The following KDM5A variants were observed in gnomAD, a reference collection of about 807,000 sequenced individuals.
The protein encoded by KDM5A is lysine demethylase 5A, also known as lysine-specific demethylase 5A.
In KDM5A, 42 loss-of-function variants were observed where a neutral mutation model predicts 193.5. The ratio of observed to expected loss-of-function variants is 0.22; its 90% CI spans 0.17 to 0.28. KDM5A has a LOEUF of 0.28. KDM5A is among the 10% of genes least tolerant of loss of function. The pLI, the probability that KDM5A is intolerant of heterozygous loss-of-function variation, is 1.00. For synonymous variants in KDM5A, 796 were observed against 718.1 expected, an observed-to-expected ratio of 1.11 and a Z score of -1.73; for missense variants, 1,692 against 2,055.1, an observed-to-expected ratio of 0.82 and a Z score of 3.42.
intron 3 of KDM5A, among the ~76,000 whole-genome samples, chr12:374,201 A>T (rs1183845424): frequency 6.6e-6 from 1 of 152,084 alleles, no homozygotes; most frequent in African/African-American, 2.4e-5. Context: ...TCCCATTATC[A>T]TTGTGTGGGA....
At position 313,160 on chromosome 12, in the gene KDM5A, C is replaced by T. The variant is rs1228258417; in HGVS notation, c.2932G>A (p.Val978Met). The change falls in exon 20 of 28, where the codon GTG becomes ATG. Residue 978 changes from valine to methionine, a missense_variant. Transcript: ENST00000399788. The part of the protein sequence containing the change: ...RHSVASLESI[V>M]NEAKNIPAFL... Reference sequence around the variant, plus strand: ...GCTGGAATGTTCTTGGCTTCATTCACAATGCTTTCTAAACTTGCCACACTG... The same window carrying T: ...GCTGGAATGTTCTTGGCTTCATTCATAATGCTTTCTAAACTTGCCACACTG... The T allele has an allele frequency of 6.2e-7, 1 of 1,613,964 alleles. No homozygotes were observed. Among genetic ancestry groups the T allele is most frequent in the African/African-American group, 1.3e-5 (1 of 74,906 alleles).
chr12:323,060 A>G (rs757143151), intron 16 of KDM5A, 22 bp downstream of exon 16: 2 of 1,613,594 alleles, frequency 1.2e-6, no homozygotes, highest in East Asian at 4.5e-5. Flanking sequence ...CAGTATATGC[A>G]TACAAAAGAA....
chr12:300,574 G>A (rs1943429537), intron 24 of KDM5A, among the ~76,000 whole-genome samples: 1 of 151,834 alleles, frequency 6.6e-6, no homozygotes, highest in African/African-American at 2.4e-5. Flanking sequence ...GCCCACAAGA[G>A]AAAGGAAAGA....
chr12:332,728 T>G (rs1379693139), intron 12 of KDM5A, among the ~76,000 whole-genome samples: 3 of 152,170 alleles, frequency 2.0e-5, no homozygotes, highest in African/African-American at 7.2e-5. Context: ...ATAAGCATCC[T>G]TATTAGTTGT....
chr12:298,293 G>A (rs192591577), intron 24 of KDM5A, among the ~76,000 whole-genome samples: 2 of 152,360 alleles, frequency 1.3e-5, no homozygotes, highest in African/African-American at 4.8e-5. Context: ...TCATACAAGA[G>A]AACTCTGGCT....
At chr12:329,783 A>C (rs1591916011) in intron 13 of KDM5A, among the ~76,000 whole-genome samples, 1 of 152,186 alleles carries the variant, frequency 6.6e-6, no homozygotes, top group East Asian at 1.9e-4. Flanking sequence ...AAACCAAATT[A>C]CAACAATAGC....
chr12:349,330 C>T (rs1591925490), intron 10 of KDM5A, among the ~76,000 whole-genome samples: 1 of 117,696 alleles, frequency 8.5e-6, no homozygotes, highest in Non-Finnish European at 1.7e-5. Flanking sequence ...ATCTTCTAGA[C>T]TTTTTTTTTT....
intron 10 of KDM5A, among the ~76,000 whole-genome samples, chr12:346,682 T>C (rs947007079): frequency 2.0e-5 from 3 of 152,162 alleles, no homozygotes; most frequent in Non-Finnish European, 4.4e-5. Context: ...ATTATCTCAA[T>C]AGATGCAGAA....
intron 24 of KDM5A, among the ~76,000 whole-genome samples, chr12:301,200 A>G (rs577260067): frequency 9.8e-5 from 15 of 152,308 alleles, no homozygotes; most frequent in Admixed American, 3.3e-4. Context: ...CATCCTGATA[A>G]CAAAACCCGG....
chr12:339,088 G>GA (rs34941751), intron 10 of KDM5A, among the ~76,000 whole-genome samples: 3 of 150,908 alleles, frequency 2.0e-5, no homozygotes, highest in Non-Finnish European at 1.5e-5. Flanking sequence ...TGAGGCAGGA[G>GA]AAACGCCTGA....
intron 3 of KDM5A, among the ~76,000 whole-genome samples, chr12:371,928 T>C (rs1350774430): frequency 1.3e-5 from 2 of 152,234 alleles, no homozygotes; most frequent in African/African-American, 4.8e-5. Context: ...GTATTATTTC[T>C]GAAGGCTCTG....
chr12:335,676 G>C (rs1022520951), intron 10 of KDM5A, among the ~76,000 whole-genome samples: 1 of 152,178 alleles, frequency 6.6e-6, no homozygotes, highest in Non-Finnish European at 1.5e-5. Context: ...TTGTGAACTA[G>C]AAGACATGTT....
intron 14 of KDM5A, among the ~76,000 whole-genome samples, 158 bp from the exon 15 acceptor site, chr12:323,939 T>C (rs2137412501): frequency 6.6e-6 from 1 of 152,332 alleles, no homozygotes; most frequent in East Asian, 1.9e-4. Flanking sequence ...CTAAAAGTAA[T>C]CATTGCTAAA....
chr12:373,716 T>C (rs1028785223), intron 3 of KDM5A, among the ~76,000 whole-genome samples: 2 of 152,248 alleles, frequency 1.3e-5, no homozygotes, highest in Non-Finnish European at 2.9e-5. Context: ...TGTGGGCATT[T>C]AGTGCTATAA....
rs1340273646 is a variant in KDM5A, at chr12:283,098, C to T, written c.*2358G>A. 1 of 231,208 alleles carries T rather than the reference C, an allele frequency of 4.3e-6. No individual in the cohort carries two copies. Among genetic ancestry groups the T allele is most frequent in the Non-Finnish European group, 8.6e-6 (1 of 116,856 alleles). 14.3% of individuals were successfully genotyped at this position (231,208 alleles called of 1,614,324 possible). A position where few individuals can be genotyped will look rare whatever the true frequency, so the allele number is the denominator to read the frequency against. On this transcript the variant is annotated 3_prime_UTR_variant, in exon 28 of 28. Coordinates refer to ENST00000399788, the MANE Select transcript of KDM5A (RefSeq NM_001042603.3). ...TCATACTTTCTCAGCATCCTCATGA[C>T]TCTCCACTGATAGTGGAATAGTTAA...
Position 306,960 on chromosome 12 carries a change from CAT to C in KDM5A, c.4058_4059del (p.Tyr1353TrpfsTer14). On this transcript the variant is annotated frameshift_variant, in exon 24 of 28. Transcript: ENST00000399788. LOFTEE classifies it high-confidence loss of function. The part of the protein sequence containing the change: ...TDSDEDIRET[Y>X]GYDMKDTASV... ...CATGTAACTACCTTCATGTCGTAGCCATATGTCTCTCGAATGTCTTCATCAGA... is the reference window on the plus strand; with the variant it reads ...CATGTAACTACCTTCATGTCGTAGCCATGTCTCTCGAATGTCTTCATCAGA... 6.2e-7 allele frequency: 1 copy of C among 1,613,660 alleles called. No homozygotes were observed. Among genetic ancestry groups the C allele is most frequent in the Non-Finnish European group, 8.5e-7 (1 of 1,179,938 alleles).
At position 323,213 on chromosome 12, in the gene KDM5A, A is replaced by T; in HGVS notation, c.2151-7T>A. 7.8e-7 allele frequency: 1 copy of T among 1,279,454 alleles called. No homozygotes were observed. The highest frequency in any genetic ancestry group is 2.0e-5 in the South Asian group (1 of 50,954). The allele number at this position is 1,279,454 out of a possible 1,614,324, so 79.3% of individuals were successfully genotyped here. Reference sequence around the variant, plus strand: ...TTCTAATGGGTAGCGATATCTACAAAAAAAAAAAAAAAAAAAAAAAAAAAA... The same window carrying T: ...TTCTAATGGGTAGCGATATCTACAATAAAAAAAAAAAAAAAAAAAAAAAAA... On this transcript the variant is annotated splice_polypyrimidine_tract_variant and splice_region_variant and intron_variant, in intron 15 of 27. Transcript: ENST00000399788.
At chr12:285,968 T>TA (rs1476093709) in intron 27 of KDM5A, among the ~76,000 whole-genome samples, 2 of 152,190 alleles carry the variant, frequency 1.3e-5, no homozygotes, top group Non-Finnish European at 2.9e-5. Context: ...GAACTTCTAA[T>TA]AGAGCAGCCA....
In KDM5A at chr12:307,342, T is replaced by A; in HGVS notation, c.3930+112A>T. 2 of 1,218,782 alleles carry A rather than the reference T, an allele frequency of 1.6e-6. No homozygotes were observed. Among genetic ancestry groups the A allele is most frequent in the Non-Finnish European group, 2.4e-6 (2 of 837,242 alleles). The allele number at this position is 1,218,782 out of a possible 1,614,324, so 75.5% of individuals were successfully genotyped here. A position where few individuals can be genotyped will look rare whatever the true frequency, so the allele number is the denominator to read the frequency against. Reference sequence around the variant, plus strand: ...GTTGAAGGAGAATGCAATGGATAATTGCTGACAAGTTACTGTTATTTTCCT... The same window carrying A: ...GTTGAAGGAGAATGCAATGGATAATAGCTGACAAGTTACTGTTATTTTCCT... On this transcript the variant is annotated intron_variant, in intron 23 of 27. Transcript: ENST00000399788. This position sits in a 1 kb window ranked among gnomAD's most constrained non-coding sequence, Gnocchi z 4.3.
Sources: gnomAD v4.1 joint callset for allele counts (sites outside exome capture counted in the v4.1 genomes callset) on GRCh38, gnomAD v4.1.1 for gene constraint, Gnocchi (gnomAD v3.1) non-coding constraint, MANE v1.5 for transcripts, NCBI Gene and HGNC (gene_info 2026-07-23, HGNC 2026-07-21) for gene names.